The following CADM2 variants were observed in gnomAD, a reference collection of about 807,000 sequenced individuals.
The protein encoded by CADM2 is cell adhesion molecule 2.
A neutral mutation model predicts 49.8 loss-of-function variants in CADM2; 12 were observed. The ratio of observed to expected loss-of-function variants is 0.24; its 90% CI spans 0.15 to 0.39. The LOEUF is 0.39. Ranked by LOEUF, CADM2 falls within the 10% of genes least tolerant of loss-of-function variation. The pLI, the probability that CADM2 is intolerant of heterozygous loss-of-function variation, is 1.00. For missense variants in CADM2, 378 were observed against 492.3 expected, an observed-to-expected ratio of 0.77 and a Z score of 2.20; for synonymous variants, 214 against 175.4, an observed-to-expected ratio of 1.22 and a Z score of -1.74.
intron 1 of CADM2, among the ~76,000 whole-genome samples, chr3:85,015,230 T>A (rs919266821): frequency 6.6e-6 from 1 of 152,124 alleles, no homozygotes; most frequent in South Asian, 2.1e-4. Context: ...CAGAAAAAAA[T>A]GTTTAGAAGT....
At chr3:85,464,145 T>C (rs2038382681) in intron 1 of CADM2, among the ~76,000 whole-genome samples, 1 of 152,164 alleles carries the variant, frequency 6.6e-6, no homozygotes, top group Non-Finnish European at 1.5e-5. Flanking sequence ...CCTAGTTACT[T>C]AAGCTTTATA....
chr3:85,377,890 T>C (rs1159281324), intron 1 of CADM2, among the ~76,000 whole-genome samples: 2 of 152,026 alleles, frequency 1.3e-5, no homozygotes, highest in Non-Finnish European at 2.9e-5. Context: ...CAAAATTCGA[T>C]GTCAGATTTA....
chr3:85,011,148 G>A (rs2033975084), intron 1 of CADM2, among the ~76,000 whole-genome samples: 1 of 152,016 alleles, frequency 6.6e-6, no homozygotes, highest in Non-Finnish European at 1.5e-5. Flanking sequence ...ACAGGCGTGA[G>A]CCACCGCGCC....
intron 1 of CADM2, among the ~76,000 whole-genome samples, chr3:85,413,151 AAAAAAAAAAAAATAAT>A (rs1278678546): frequency 5.6e-5 from 8 of 143,594 alleles, no homozygotes; most frequent in African/African-American, 1.8e-4. Context: ...AAAAAAAAAA[AAAAAAAAAAAAATAAT>A]AATAATAATA....
chr3:85,536,541 A>G (rs2061427137), intron 1 of CADM2, among the ~76,000 whole-genome samples: 1 of 151,670 alleles, frequency 6.6e-6, no homozygotes, highest in Admixed American at 6.6e-5. Context: ...CTTATTTCTC[A>G]TTGATTACTC....
intron 1 of CADM2, among the ~76,000 whole-genome samples, chr3:85,357,521 A>G (rs1177430849): frequency 1.3e-5 from 2 of 152,086 alleles, no homozygotes; most frequent in East Asian, 1.9e-4. Context: ...CTATTTAAGT[A>G]TTATATCCAT....
At chr3:86,034,557 A>C (rs1734933235) in intron 8 of CADM2, among the ~76,000 whole-genome samples, 2 of 152,062 alleles carry the variant, frequency 1.3e-5, no homozygotes, top group Admixed American at 6.6e-5. Context: ...ATAAGCCACC[A>C]AATTTATGTT....
chr3:85,832,105 A>G (rs1023353355), intron 3 of CADM2, among the ~76,000 whole-genome samples: 7 of 151,902 alleles, frequency 4.6e-5, no homozygotes, highest in African/African-American at 1.2e-4. Context: ...CCTATTGCTC[A>G]TCATTGTTGA....
chr3:85,791,652 T>G (rs759308478), intron 2 of CADM2, among the ~76,000 whole-genome samples: 1 of 152,030 alleles, frequency 6.6e-6, no homozygotes, highest in Non-Finnish European at 1.5e-5. Context: ...AATAGTAGGC[T>G]AGCATTGTAC....
chr3:85,952,899 A>ACTT (rs1451081451), intron 7 of CADM2, among the ~76,000 whole-genome samples: 5 of 151,102 alleles, frequency 3.3e-5, no homozygotes, highest in South Asian at 4.1e-4. Flanking sequence ...AGGAATACTC[A>ACTT]CTTCTCAAAA....
chr3:85,513,662 T>C (rs1009959967), intron 1 of CADM2, among the ~76,000 whole-genome samples: 14 of 152,006 alleles, frequency 9.2e-5, no homozygotes, highest in African/African-American at 2.4e-4. Context: ...AAAAAACTTT[T>C]TTGGCATAAA....
At position 85,691,846 on chromosome 3, in the gene CADM2, A is replaced by G. The variant is rs1331970193; in HGVS notation, c.62-34676A>G. 2.0e-5 allele frequency among the ~76,000 whole-genome samples: 3 copies of G among 152,280 alleles called. No individual in the cohort carries two copies. In the East Asian group the frequency reaches 5.8e-4, roughly 30 times the overall value. ...TGTAGGGACATGGATGAAGCTGGAA[A>G]CCATCATTCTCAGCAAACTATTGCA... On this transcript the variant is annotated intron_variant, in intron 1 of 9. Transcript: ENST00000383699.
intron 1 of CADM2, among the ~76,000 whole-genome samples, chr3:85,145,656 T>C (rs1575974571): frequency 6.6e-6 from 1 of 152,124 alleles, no homozygotes; most frequent in East Asian, 1.9e-4. Flanking sequence ...AAAAGAATCA[T>C]CCCTGTCATG....
chr3:85,028,733 T>C (rs187974043), intron 1 of CADM2, among the ~76,000 whole-genome samples: 10 of 152,152 alleles, frequency 6.6e-5, no homozygotes, highest in Admixed American at 6.5e-4. Context: ...CATCTCCTTA[T>C]TAGACAGGTC....
chr3:85,707,576 C>G (rs1445823652), intron 1 of CADM2, among the ~76,000 whole-genome samples: 1 of 151,600 alleles, frequency 6.6e-6, no homozygotes, highest in Non-Finnish European at 1.5e-5. Flanking sequence ...ATCTATATTC[C>G]CAGAAAACAG....
chr3:84,987,651 C>T (rs187601620), intron 1 of CADM2, among the ~76,000 whole-genome samples: 1 of 152,268 alleles, frequency 6.6e-6, no homozygotes, highest in East Asian at 1.9e-4. Flanking sequence ...TTAAAACTAG[C>T]TAATCTGGCC....
intron 8 of CADM2, among the ~76,000 whole-genome samples, chr3:85,990,320 CTGTAGGCTA>C (rs1158705887): frequency 6.6e-6 from 1 of 152,110 alleles, no homozygotes; most frequent in Admixed American, 6.5e-5. Context: ...TTTTGCCTAA[CTGTAGGCTA>C]ATGTAAGTGT....
At chr3:85,418,234 A>G (rs2036002990) in intron 1 of CADM2, among the ~76,000 whole-genome samples, 1 of 151,996 alleles carries the variant, frequency 6.6e-6, no homozygotes, top group Non-Finnish European at 1.5e-5. Flanking sequence ...TACATTTGTC[A>G]AAATCCATAG....
At chr3:85,307,996 C>T (rs2044254591) in intron 1 of CADM2, among the ~76,000 whole-genome samples, 1 of 150,444 alleles carries the variant, frequency 6.6e-6, no homozygotes, top group Non-Finnish European at 1.5e-5. Context: ...GTGGAATTCA[C>T]TCAACTTCAA....
Sources: gnomAD v4.1 joint callset for allele counts (sites outside exome capture counted in the v4.1 genomes callset) on GRCh38, gnomAD v4.1.1 for gene constraint, MANE v1.5 for transcripts, NCBI Gene and HGNC (gene_info 2026-07-23, HGNC 2026-07-21) for gene names.